Variants in VWA3A observed in about 807,000 individuals in gnomAD.
VWA3A encodes von Willebrand factor A domain containing 3A.
In VWA3A, 134 loss-of-function variants were observed where a neutral mutation model predicts 160.4. That is an observed-to-expected ratio of 0.84 (90% confidence interval 0.73 to 0.96). VWA3A has a LOEUF of 0.96. Among genes scored for constraint, VWA3A ranks in the 40% least tolerant of loss-of-function variants. The pLI is 0.00. For synonymous variants in VWA3A, 476 were observed against 543.4 expected (o/e 0.88, Z 1.72); for missense variants, 1,310 against 1,447.9 (o/e 0.90, Z 1.55).
At chr16:22,096,199 G>C (rs969772237) in intron 1 of VWA3A, among the ~76,000 whole-genome samples, 1 of 152,162 alleles carries the variant, frequency 6.6e-6, no homozygotes, top group Admixed American at 6.5e-5. Context: ...GAGTCAAAGT[G>C]TTGAAGTTGA....
chr16:22,148,109 G>A (rs906590459), intron 27 of VWA3A, 53 bp from the exon 28 acceptor site: 19 of 1,525,048 alleles, frequency 1.2e-5, no homozygotes, highest in Non-Finnish European at 1.7e-5. Flanking sequence ...AACCACCCAG[G>A]AGGAGGGACC....
At chr16:22,137,918 G>A (rs543064466) in intron 21 of VWA3A, among the ~76,000 whole-genome samples, 3 of 152,280 alleles carry the variant, frequency 2.0e-5, no homozygotes, top group African/African-American at 7.2e-5. Flanking sequence ...GCCAGGATCT[G>A]GTGCTATGTG....
intron 1 of VWA3A, among the ~76,000 whole-genome samples, chr16:22,094,019 C>G (rs1434222080): frequency 5.3e-5 from 8 of 152,122 alleles, no homozygotes; most frequent in African/African-American, 1.9e-4. Flanking sequence ...AGCAATCTCC[C>G]TGCCTCAGCC....
At chr16:22,109,181 G>A (rs895979335) in intron 6 of VWA3A, among the ~76,000 whole-genome samples, 6 of 152,078 alleles carry the variant, frequency 3.9e-5, no homozygotes, top group Non-Finnish European at 7.3e-5. Context: ...CAAACAAAGG[G>A]TGCTTTTCTA....
At chr16:22,113,486 A>C (rs1055942707) in intron 8 of VWA3A, among the ~76,000 whole-genome samples, 4 of 148,382 alleles carry the variant, frequency 2.7e-5, no homozygotes, top group Non-Finnish European at 5.9e-5. Context: ...TGGCCTCCCA[A>C]AGTGCTGGGA....
At chr16:22,129,581 A>G (rs1486108946) in intron 17 of VWA3A, among the ~76,000 whole-genome samples, 2 of 152,074 alleles carry the variant, frequency 1.3e-5, no homozygotes, top group African/African-American at 4.8e-5. Context: ...GAGACACTCA[A>G]GAGTTTGGAG....
At chr16:22,122,902 C>CTGG (rs1345777596) in intron 14 of VWA3A, among the ~76,000 whole-genome samples, 183 bp from the exon 15 acceptor site, 2 of 151,930 alleles carry the variant, frequency 1.3e-5, no homozygotes, top group African/African-American at 4.8e-5. Context: ...AGGCAATGAC[C>CTGG]TGGTGGTGGT....
At chr16:22,111,813 C>T (rs938105800) in intron 8 of VWA3A, among the ~76,000 whole-genome samples, 3 of 152,102 alleles carry the variant, frequency 2.0e-5, no homozygotes, top group Non-Finnish European at 2.9e-5. Context: ...GATGGGATCT[C>T]GCTATGTTGT....
intron 27 of VWA3A, among the ~76,000 whole-genome samples, chr16:22,147,284 A>G (rs1430740607): frequency 6.6e-6 from 1 of 152,108 alleles, no homozygotes; most frequent in Non-Finnish European, 1.5e-5. Flanking sequence ...TCAGCCTCCC[A>G]AAGTCCTGGG....
intron 1 of VWA3A, among the ~76,000 whole-genome samples, chr16:22,094,251 T>G (rs1182245168): frequency 6.6e-6 from 1 of 151,926 alleles, no homozygotes; most frequent in Non-Finnish European, 1.5e-5. Flanking sequence ...CCAGTGTTCA[T>G]GAGGCATTTC....
chr16:22,110,887 G>T lies in VWA3A; in HGVS notation c.583-1G>T. ...GCCAGTGATGTCCTTTTGTCCAACA[G>T]AGCCTCATCGATGAGCAGCTGAGCC... is the stretch of plus-strand genomic sequence containing the variant. On this transcript the variant is annotated splice_acceptor_variant, in intron 7 of 33. Coordinates refer to ENST00000389398, the MANE Select transcript of VWA3A (RefSeq NM_173615.5). LOFTEE classifies it high-confidence loss of function. 1 of 1,603,248 alleles carries T rather than the reference G, an allele frequency of 6.2e-7. No individual in the cohort carries two copies. Among genetic ancestry groups the T allele is most frequent in the Non-Finnish European group, 8.5e-7 (1 of 1,175,118 alleles).
rs1270544282 is a variant in VWA3A, at chr16:22,126,191, C to T, written c.1546C>T (p.Leu516Phe). The T allele has an allele frequency of 5.0e-6, 8 of 1,613,920 alleles. No individual in the cohort carries two copies. Among genetic ancestry groups the T allele is most frequent in the East Asian group, 2.2e-5 (1 of 44,886 alleles). Reference sequence around the variant, plus strand: ...GTTTCCTTTTAGGGTGGTTGTACTGCTCGATATCTCTGCGACCAATTCCAT... The same window carrying T: ...GTTTCCTTTTAGGGTGGTTGTACTGTTCGATATCTCTGCGACCAATTCCAT... ...TVCEKRVVVL[L>F]DISATNSMYI... The change falls in exon 17 of 34, where the codon CTC (leucine) becomes TTC (phenylalanine). Residue 516 changes from leucine (L) to phenylalanine (F), a missense_variant. Coordinates refer to ENST00000389398, the MANE Select transcript of VWA3A (RefSeq NM_173615.5).
At chr16:22,120,863 G>A (rs749582773) in intron 12 of VWA3A, 105 bp from the exon 13 acceptor site, 2 of 1,388,552 alleles carry the variant, frequency 1.4e-6, no homozygotes, top group Non-Finnish European at 9.8e-7. Flanking sequence ...CTACCAGGGA[G>A]TGTTTAAGAA....
chr16:22,116,258 G>A (rs1023455868), intron 9 of VWA3A: 1 of 398,324 alleles, frequency 2.5e-6, no homozygotes, highest in Admixed American at 3.6e-5. Flanking sequence ...AGATGGAAGA[G>A]AGAGAAAGAA....
At position 22,140,201 on chromosome 16, in the gene VWA3A, T is replaced by C. The variant is rs2141991152; in HGVS notation, c.2340T>C (p.Ser780=). The C allele has an allele frequency of 6.2e-7, 1 of 1,613,764 alleles. No homozygotes were observed. The highest frequency in any genetic ancestry group is 8.5e-7 in the Non-Finnish European group (1 of 1,179,796). The change falls in exon 23 of 34, where the codon TCT becomes TCC. Residue 780 remains serine (S), a synonymous_variant. Coordinates refer to ENST00000389398, the MANE Select transcript of VWA3A (RefSeq NM_173615.5). ...GAGAGAAGAGCCCCCCGCTGAAATC[T>C]CTGAAATGGCGTCCACTCAGTAGCA... is the stretch of plus-strand genomic sequence containing the variant. ...PDREKSPPLK[S]LKWRPLSSRV... is the part of the protein sequence containing the mutation.
At chr16:22,118,485 A>C (rs2045681532) in intron 11 of VWA3A, among the ~76,000 whole-genome samples, 1 of 152,050 alleles carries the variant, frequency 6.6e-6, no homozygotes, top group Non-Finnish European at 1.5e-5. Context: ...GGAGATTGAG[A>C]CCATCCTGGC....
chr16:22,150,649 G>T, intron 29 of VWA3A, 46 bp from the exon 30 acceptor site: 3 of 1,561,888 alleles, frequency 1.9e-6, no homozygotes. Context: ...TTGTGTTCTG[G>T]GTGAGCCTCT....
At chr16:22,150,251 A>G (rs1006797614) in intron 29 of VWA3A, among the ~76,000 whole-genome samples, 12 of 152,100 alleles carry the variant, frequency 7.9e-5, no homozygotes, top group Non-Finnish European at 1.6e-4. Context: ...AATACAAAAG[A>G]TTAGCCGGGC....
chr16:22,139,865 C>T (rs1226474290), intron 22 of VWA3A, among the ~76,000 whole-genome samples: 1 of 152,068 alleles, frequency 6.6e-6, no homozygotes, highest in African/African-American at 2.4e-5. Context: ...TCACTAGCAG[C>T]TCTCTCACTC....
Sources: allele counts gnomAD v4.1 joint callset (sites outside exome capture counted in the v4.1 genomes callset), GRCh38; gene constraint gnomAD v4.1.1; transcripts MANE v1.5; gene names NCBI Gene and HGNC (gene_info 2026-07-23, HGNC 2026-07-21).